Variants in TMEM132C observed in about 807,000 individuals in gnomAD.
TMEM132C encodes the protein protein phosphatase 1, regulatory subunit 152.
In TMEM132C, 29 loss-of-function variants were observed where a neutral mutation model predicts 61.4. The observed-to-expected ratio is 0.47, with a 90% CI of 0.35 to 0.64. The LOEUF (loss-of-function observed/expected upper bound fraction) is 0.64. Among genes scored for constraint, TMEM132C ranks in the 30% least tolerant of loss-of-function variants. TMEM132C has a pLI of 0.00. For missense variants in TMEM132C, 1,408 were observed against 1,476.9 expected (o/e 0.95, Z 0.76); for synonymous variants, 656 against 633.1 (o/e 1.04, Z -0.54).
At chr12:128,445,608 C>T (rs1343634338) in intron 2 of TMEM132C, among the ~76,000 whole-genome samples, 1 of 152,126 alleles carries the variant, frequency 6.6e-6, no homozygotes, top group African/African-American at 2.4e-5. Flanking sequence ...GCGGACCATC[C>T]CCAGTCTCTC....
rs770329236 is a variant in TMEM132C, at chr12:128,507,359, C to T, written c.975-36598C>T. Reference sequence around the variant, plus strand: ...AAACTGAAACCCTTGTAATCGTGTGCGAAGGTTTGTCCAGGTGTTTTTTTC... The same window carrying T: ...AAACTGAAACCCTTGTAATCGTGTGTGAAGGTTTGTCCAGGTGTTTTTTTC... On this transcript the variant is annotated intron_variant, in intron 2 of 8. Coordinates refer to ENST00000435159, the MANE Select transcript of TMEM132C (RefSeq NM_001136103.3). Among the ~76,000 whole-genome samples, 83 of 146,184 alleles carry T rather than the reference C, an allele frequency of 5.7e-4. No homozygotes were observed. In the Middle Eastern group the frequency reaches 0.029, roughly 51 times the overall value.
chr12:128,629,186 G>A (rs1707612547), intron 4 of TMEM132C, among the ~76,000 whole-genome samples: 1 of 151,986 alleles, frequency 6.6e-6, no homozygotes, highest in South Asian at 2.1e-4. Flanking sequence ...TTCTATACGT[G>A]GCCCTTTGTT....
intron 3 of TMEM132C, among the ~76,000 whole-genome samples, chr12:128,553,761 C>T (rs1451055129): frequency 6.6e-6 from 1 of 152,178 alleles, no homozygotes; most frequent in Non-Finnish European, 1.5e-5. Context: ...CCCTTCCTAA[C>T]TTTATTTTGT....
At chr12:128,647,394 T>C (rs1041259028) in intron 4 of TMEM132C, among the ~76,000 whole-genome samples, 3 of 151,682 alleles carry the variant, frequency 2.0e-5, no homozygotes, top group Non-Finnish European at 4.4e-5. Context: ...GTGTGTTTAC[T>C]AGATCCCATC....
At chr12:128,525,661 C>T (rs561374171) in intron 2 of TMEM132C, among the ~76,000 whole-genome samples, 14 of 152,262 alleles carry the variant, frequency 9.2e-5, no homozygotes, top group South Asian at 2.1e-4. Context: ...TAGAACCCAT[C>T]GGCCTTACCC....
intron 2 of TMEM132C, among the ~76,000 whole-genome samples, chr12:128,513,336 G>A (rs1176515899): frequency 6.6e-6 from 1 of 152,148 alleles, no homozygotes; most frequent in African/African-American, 2.4e-5. Flanking sequence ...GGAAGAGTCA[G>A]GAGACAAGCT....
intron 3 of TMEM132C, among the ~76,000 whole-genome samples, chr12:128,547,399 C>A (rs368330075): frequency 2.8e-4 from 39 of 139,584 alleles, no homozygotes; most frequent in Non-Finnish European, 2.2e-4. Flanking sequence ...ACTAAAAATA[C>A]AAAAAAAAAA....
chr12:128,527,655 T>C (rs1873130651), intron 2 of TMEM132C, among the ~76,000 whole-genome samples: 2 of 152,038 alleles, frequency 1.3e-5, no homozygotes. Context: ...CCCATCAAGT[T>C]AGCAGTGGGG....
chr12:128,705,490 A>G lies in TMEM132C; in HGVS notation c.2522A>G (p.Tyr841Cys), dbSNP rs564036136. The change falls in exon 9 of 9, where the codon TAT becomes TGT. Residue 841 changes from tyrosine to cysteine, a missense_variant. Transcript: ENST00000435159. ...CGCACAGGCCAAGATGGGCACCTCT[A>G]TGGCAGCTCTCCCGTGGAGCGTGAG... The part of the protein sequence containing the change: ...HERTGQDGHL[Y>C]GSSPVEREEG... The G allele has an allele frequency of 2.6e-6, 4 of 1,551,076 alleles. No homozygotes were observed. The highest frequency in any genetic ancestry group is 2.4e-5 in the East Asian group (1 of 40,914).
At chr12:128,498,541 G>T (rs1163180688) in intron 2 of TMEM132C, among the ~76,000 whole-genome samples, 1 of 152,066 alleles carries the variant, frequency 6.6e-6, no homozygotes, top group African/African-American at 2.4e-5. Context: ...TGGGTTTGGT[G>T]GTGCATGCCT....
intron 1 of TMEM132C, among the ~76,000 whole-genome samples, chr12:128,351,219 A>G (rs1199304854): frequency 6.6e-6 from 1 of 152,122 alleles, no homozygotes; most frequent in African/African-American, 2.4e-5. Flanking sequence ...AAGGAGTGAT[A>G]TGACCTGGTT....
At chr12:128,561,104 C>T (rs994960367) in intron 3 of TMEM132C, among the ~76,000 whole-genome samples, 2 of 152,216 alleles carry the variant, frequency 1.3e-5, no homozygotes, top group African/African-American at 4.8e-5. Context: ...TGCCAGCTCT[C>T]CTCCTCTCAA....
chr12:128,405,257 G>A (rs149143887), intron 1 of TMEM132C, among the ~76,000 whole-genome samples: 2 of 152,218 alleles, frequency 1.3e-5, no homozygotes, highest in South Asian at 2.1e-4. Context: ...CACGGCAAAG[G>A]CTGGCAACCA....
chr12:128,611,979 C>A (rs931939109), intron 3 of TMEM132C, among the ~76,000 whole-genome samples: 3 of 152,184 alleles, frequency 2.0e-5, no homozygotes, highest in Non-Finnish European at 2.9e-5. Context: ...CTTAGACAAT[C>A]ATACTATGCA....
At chr12:128,625,668 C>G (rs555796839) in intron 4 of TMEM132C, among the ~76,000 whole-genome samples, 24 of 152,294 alleles carry the variant, frequency 1.6e-4, no homozygotes, top group African/African-American at 5.8e-4. Context: ...GGGGAAACTG[C>G]CCCCCGTGAT....
At chr12:128,293,936 T>A (rs1174690886) in intron 1 of TMEM132C, among the ~76,000 whole-genome samples, 2 of 152,172 alleles carry the variant, frequency 1.3e-5, no homozygotes, top group Admixed American at 6.5e-5. Flanking sequence ...GCATTGTGAA[T>A]TTTCATAATT....
At chr12:128,356,066 C>T (rs1182084991) in intron 1 of TMEM132C, among the ~76,000 whole-genome samples, 1 of 152,218 alleles carries the variant, frequency 6.6e-6, no homozygotes, top group African/African-American at 2.4e-5. Context: ...GTAGCAGGAG[C>T]TCACCAAACA....
rs566045162 is a variant in TMEM132C at position 128,558,335 on chromosome 12, G to A, written c.1121+14232G>A. The stretch of plus-strand genomic sequence containing the variant: ...CCACATGTCATGGGAGGGACCCGGT[G>A]GGAGGGAATTGAATCATGGGGCTGG... On this transcript the variant is annotated intron_variant, in intron 3 of 8. Coordinates refer to ENST00000435159, the MANE Select transcript of TMEM132C (RefSeq NM_001136103.3). Among the ~76,000 whole-genome samples, 4 of 152,272 alleles carry A rather than the reference G, an allele frequency of 2.6e-5. No homozygotes were observed. In the East Asian group the frequency reaches 7.7e-4, roughly 29 times the overall value.
intron 2 of TMEM132C, among the ~76,000 whole-genome samples, chr12:128,471,268 A>G (rs1189928828): frequency 6.6e-6 from 1 of 152,206 alleles, no homozygotes; most frequent in Non-Finnish European, 1.5e-5. Flanking sequence ...CCCTCAGTGG[A>G]CAACTTATAT....
Sources: allele counts gnomAD v4.1 joint callset (sites outside exome capture counted in the v4.1 genomes callset), GRCh38; gene constraint gnomAD v4.1.1; transcripts MANE v1.5; gene names NCBI Gene and HGNC (gene_info 2026-07-23, HGNC 2026-07-21).